The following ADD1 variants were observed in gnomAD, a reference collection of about 807,000 sequenced individuals.
ADD1 encodes the protein adducin 1, also known as alpha-adducin.
A neutral mutation model predicts 80.5 loss-of-function variants in ADD1; 24 were observed. The ratio of observed to expected loss-of-function variants is 0.30; its 90% CI spans 0.22 to 0.42. ADD1 has a LOEUF of 0.42. Among genes scored for constraint, ADD1 ranks in the 10% least tolerant of loss-of-function variants. The pLI is 1.00. For synonymous variants in ADD1, 373 were observed against 393.8 expected, an observed-to-expected ratio of 0.95 and a Z score of 0.63; for missense variants, 948 against 1,019.0, an observed-to-expected ratio of 0.93 and a Z score of 0.95.
At chr4:2,854,451 C>G (rs2108800445) in intron 1 of ADD1, among the ~76,000 whole-genome samples, 1 of 152,316 alleles carries the variant, frequency 6.6e-6, no homozygotes, top group Non-Finnish European at 1.5e-5. Context: ...TTCCTATTTA[C>G]TGTTACTGAC....
intron 6 of ADD1, 141 bp from the exon 7 acceptor site, chr4:2,898,043 T>C: frequency 8.7e-7 from 1 of 1,148,806 alleles, no homozygotes; most frequent in South Asian, 1.6e-5. Flanking sequence ...AAGTTTGTCT[T>C]AAGTTCATAG....
intron 14 of ADD1, among the ~76,000 whole-genome samples, chr4:2,920,600 T>C (rs1025650009): frequency 2.0e-5 from 3 of 152,196 alleles, no homozygotes; most frequent in African/African-American, 7.2e-5. Context: ...GCTTTGTCTT[T>C]TTAAATTTTT....
chr4:2,859,325 G>C (rs1264214252), intron 1 of ADD1, among the ~76,000 whole-genome samples: 2 of 152,092 alleles, frequency 1.3e-5, no homozygotes, highest in Non-Finnish European at 2.9e-5. Context: ...TATGCAAAAT[G>C]TTAAAATATT....
At chr4:2,898,946 G>T in intron 8 of ADD1, 1 of 385,032 alleles carries the variant, frequency 2.6e-6, no homozygotes. Flanking sequence ...TCCGTCAGCC[G>T]TTAGTTCACG....
At chr4:2,920,261 T>TCA (rs1006948299) in intron 14 of ADD1, among the ~76,000 whole-genome samples, 18 of 152,222 alleles carry the variant, frequency 1.2e-4, no homozygotes, top group Non-Finnish European at 2.5e-4. Flanking sequence ...AATTAGGTGG[T>TCA]CAATTTTAGA....
intron 2 of ADD1, among the ~76,000 whole-genome samples, chr4:2,880,171 A>G (rs766106422): frequency 3.9e-5 from 6 of 152,134 alleles, no homozygotes; most frequent in Admixed American, 2.6e-4. Flanking sequence ...ACGGATGACT[A>G]CAAAATATGA....
intron 14 of ADD1, among the ~76,000 whole-genome samples, chr4:2,920,813 T>C (rs1182206982): frequency 2.0e-5 from 3 of 152,218 alleles, no homozygotes; most frequent in African/African-American, 7.2e-5. Context: ...TGTCTTTTAA[T>C]TGGGGCATTT....
At chr4:2,852,696 CTTTTTTT>C (rs1312991635) in intron 1 of ADD1, among the ~76,000 whole-genome samples, 18 of 118,716 alleles carry the variant, frequency 1.5e-4, no homozygotes, top group Non-Finnish European at 2.3e-4. Context: ...CAGGAAATAT[CTTTTTTT>C]TTTTTTTTTT....
chr4:2,899,704 C>T (rs1383779750), intron 9 of ADD1: 3 of 464,398 alleles, frequency 6.5e-6, no homozygotes, highest in African/African-American at 2.0e-5. Flanking sequence ...GCGTAGGCAG[C>T]TGGATGACCA....
rs1553855272 is a variant in ADD1, at chr4:2,928,385, T to TG, written c.2263dup (p.Ala755GlyfsTer44). The TG allele has an allele frequency of 6.2e-7, 1 of 1,613,236 alleles. No individual in the cohort carries two copies. Among genetic ancestry groups the TG allele is most frequent in the Non-Finnish European group, 8.5e-7 (1 of 1,179,882 alleles). On this transcript the variant is annotated frameshift_variant, in exon 16 of 16. Transcript: ENST00000683351. LOFTEE classifies it high-confidence loss of function. ...ACCCAGCCCCGGTGGCTGAAGAGGC[T>TG]GCCCCCTCAGCTGTCGAGGAGGGGG...
At chr4:2,927,292 G>A (rs1033632242) in intron 15 of ADD1, among the ~76,000 whole-genome samples, 1 of 152,172 alleles carries the variant, frequency 6.6e-6, no homozygotes, top group African/African-American at 2.4e-5. Flanking sequence ...GCGTGGCCTG[G>A]AATTAGCCTG....
chr4:2,875,224 G>C (rs1293017865), intron 1 of ADD1, among the ~76,000 whole-genome samples: 1 of 151,788 alleles, frequency 6.6e-6, no homozygotes, highest in Non-Finnish European at 1.5e-5. Context: ...ACAAGACCCT[G>C]TTCCCCTCCC....
At chr4:2,855,862 G>T (rs1276844343) in intron 1 of ADD1, among the ~76,000 whole-genome samples, 5 of 151,734 alleles carry the variant, frequency 3.3e-5, no homozygotes, top group Non-Finnish European at 5.9e-5. Flanking sequence ...GCCATGACCA[G>T]CTATTTTTTG....
At chr4:2,849,682 C>T (rs1244640793) in intron 1 of ADD1, among the ~76,000 whole-genome samples, 2 of 152,202 alleles carry the variant, frequency 1.3e-5, no homozygotes, top group African/African-American at 2.4e-5. Context: ...TGTGGATTAA[C>T]GTATTGAGAA....
At chr4:2,890,640 C>G (rs372307139) in intron 4 of ADD1, among the ~76,000 whole-genome samples, 5 of 152,216 alleles carry the variant, frequency 3.3e-5, no homozygotes, top group African/African-American at 1.2e-4. Context: ...CATCTCCTGA[C>G]CTTGTGATCC....
At chr4:2,897,106 C>G (rs1343194930) in intron 6 of ADD1, among the ~76,000 whole-genome samples, 1 of 152,026 alleles carries the variant, frequency 6.6e-6, no homozygotes, top group Non-Finnish European at 1.5e-5. Context: ...GAAATTTCTT[C>G]TTGTATGAGA....
At chr4:2,909,036 T>A in intron 12 of ADD1, 1 of 477,744 alleles carries the variant, frequency 2.1e-6, no homozygotes, top group Non-Finnish European at 3.8e-6. Context: ...TTACACACAT[T>A]TCTACAAAAT....
intron 2 of ADD1, among the ~76,000 whole-genome samples, chr4:2,878,227 G>T (rs1731674445): frequency 6.6e-6 from 1 of 152,194 alleles, no homozygotes; most frequent in Admixed American, 6.5e-5. Flanking sequence ...GTATTTTAAA[G>T]AAAATTATTC....
intron 9 of ADD1, chr4:2,900,720 AAGG>A (rs1246325167): frequency 6.6e-6 from 1 of 152,240 alleles, no homozygotes; most frequent in Admixed American, 6.5e-5. Flanking sequence ...GTCCGCTAGA[AAGG>A]AGGAACTGAG....
Sources: allele counts gnomAD v4.1 joint callset (sites outside exome capture counted in the v4.1 genomes callset), GRCh38; gene constraint gnomAD v4.1.1; transcripts MANE v1.5; gene names NCBI Gene and HGNC (gene_info 2026-07-23, HGNC 2026-07-21).